Variants in LSAMP observed in about 807,000 individuals in gnomAD.
LSAMP encodes the protein limbic system associated membrane protein.
Under a neutral mutation model 38.6 loss-of-function variants are expected in LSAMP, and 7 were observed. The observed-to-expected ratio is 0.18, with a 90% CI of 0.10 to 0.34. The LOEUF is 0.34. Ranked by LOEUF, LSAMP falls within the 10% of genes least tolerant of loss-of-function variation. The probability of loss-of-function intolerance (pLI) is 1.00; values close to 1 mark genes in which losing one functional copy is unlikely to be tolerated. For missense variants in LSAMP, 313 were observed against 420.0 expected (o/e 0.75, Z 2.23); for synonymous variants, 154 against 166.8 (o/e 0.92, Z 0.59).
intron 3 of LSAMP, among the ~76,000 whole-genome samples, chr3:115,999,150 G>A (rs1939912948): frequency 6.6e-6 from 1 of 152,136 alleles, no homozygotes; most frequent in African/African-American, 2.4e-5. Flanking sequence ...CAACGATGAT[G>A]AGGCTTTGAG....
chr3:115,914,144 A>G (rs1937194731), intron 3 of LSAMP, among the ~76,000 whole-genome samples: 2 of 152,134 alleles, frequency 1.3e-5, no homozygotes, highest in African/African-American at 4.8e-5. Context: ...AAAATGGAAG[A>G]CCTAGAGATC....
chr3:116,041,015 C>T (rs1298080228), intron 2 of LSAMP, among the ~76,000 whole-genome samples: 1 of 152,194 alleles, frequency 6.6e-6, no homozygotes, highest in East Asian at 1.9e-4. Flanking sequence ...CCTCAACCTC[C>T]TGGGCTCAAG....
chr3:116,250,271 A>AT (rs943148791), intron 1 of LSAMP, among the ~76,000 whole-genome samples: 7 of 151,828 alleles, frequency 4.6e-5, no homozygotes, highest in Non-Finnish European at 7.4e-5. Context: ...AAGGTAACAT[A>AT]TTTTTTTTGC....
chr3:115,867,424 T>A (rs1470070025), intron 3 of LSAMP, among the ~76,000 whole-genome samples: 1 of 152,070 alleles, frequency 6.6e-6, no homozygotes, highest in Admixed American at 6.6e-5. Flanking sequence ...GATGAAAAAG[T>A]TAAGCCCCAC....
chr3:115,885,430 C>A (rs955698881), intron 3 of LSAMP, among the ~76,000 whole-genome samples: 2 of 151,854 alleles, frequency 1.3e-5, no homozygotes, highest in East Asian at 3.9e-4. Context: ...TTCTATATTA[C>A]AATTTCATGG....
chr3:116,170,523 A>G (rs1364452306), intron 1 of LSAMP, among the ~76,000 whole-genome samples: 1 of 152,192 alleles, frequency 6.6e-6, no homozygotes, highest in Admixed American at 6.5e-5. Context: ...ATAGTTGTGG[A>G]GAGTGTTTAA....
chr3:116,357,213 T>A (rs539319510), intron 1 of LSAMP, among the ~76,000 whole-genome samples: 22 of 152,312 alleles, frequency 1.4e-4, no homozygotes, highest in East Asian at 9.6e-4. Context: ...GTATTACTTT[T>A]TAGAGTCAAT....
At chr3:116,207,200 TGTTTTATCAGA>T (rs2046081741) in intron 1 of LSAMP, among the ~76,000 whole-genome samples, 2 of 151,482 alleles carry the variant, frequency 1.3e-5, no homozygotes, top group Admixed American at 6.6e-5. Context: ...GTTTAAAGTC[TGTTTTATCAGA>T]GACTAGGATT....
intron 1 of LSAMP, among the ~76,000 whole-genome samples, chr3:116,337,926 G>A (rs2107749288): frequency 6.6e-6 from 1 of 152,086 alleles, no homozygotes; most frequent in South Asian, 2.1e-4. Context: ...TATGATATAG[G>A]TTGTCTAAGA....
At chr3:116,152,288 C>T (rs375740016) in intron 1 of LSAMP, among the ~76,000 whole-genome samples, 6 of 152,100 alleles carry the variant, frequency 3.9e-5, no homozygotes, top group Non-Finnish European at 5.9e-5. Flanking sequence ...GTGCTTTCCA[C>T]GTACAAACGC....
At chr3:116,164,622 AATC>A in intron 1 of LSAMP, among the ~76,000 whole-genome samples, 1 of 125,032 alleles carries the variant, frequency 8.0e-6, no homozygotes, top group African/African-American at 3.1e-5. Flanking sequence ...ATATATATAT[AATC>A]CAAATATATA....
At position 116,064,502 on chromosome 3, in the gene LSAMP, C is replaced by CAAA. The variant is rs1241685941; in HGVS notation, c.388+21819_388+21821dup. Among the ~76,000 whole-genome samples, 5 of 90,360 alleles carry CAAA rather than the reference C, an allele frequency of 5.5e-5. 1 individual carries two copies. Among genetic ancestry groups the CAAA allele is most frequent in the African/African-American group, 1.2e-4 (3 of 25,064 alleles). 59.3% of individuals were successfully genotyped at this position (90,360 alleles called of 152,430 possible). On this transcript the variant is annotated intron_variant, in intron 2 of 6. Coordinates refer to ENST00000490035, the MANE Select transcript of LSAMP (RefSeq NM_002338.5). ...TGCATTCCAGAGCGAGACTCCGTCTCAAAAAAAAAAAAAAAAAAGTCAGTC... is the reference window on the plus strand; with the variant it reads ...TGCATTCCAGAGCGAGACTCCGTCTCAAAAAAAAAAAAAAAAAAAAAGTCAGTC...
At chr3:116,196,468 A>G (rs1031434107) in intron 1 of LSAMP, among the ~76,000 whole-genome samples, 11 of 152,314 alleles carry the variant, frequency 7.2e-5, no homozygotes, top group African/African-American at 2.6e-4. Flanking sequence ...AACATTTGAG[A>G]ATCCTATCTC....
chr3:115,891,327 T>A (rs546624175), intron 3 of LSAMP, among the ~76,000 whole-genome samples: 1 of 152,138 alleles, frequency 6.6e-6, no homozygotes, highest in African/African-American at 2.4e-5. Context: ...AAGCTTAAAA[T>A]GGGCATGCAC....
At chr3:116,213,646 G>T (rs2046188181) in intron 1 of LSAMP, among the ~76,000 whole-genome samples, 1 of 152,076 alleles carries the variant, frequency 6.6e-6, no homozygotes, top group African/African-American at 2.4e-5. Flanking sequence ...ACAACATGTG[G>T]AAACAAACTA....
chr3:116,213,386 T>C (rs560345731), intron 1 of LSAMP, among the ~76,000 whole-genome samples: 1 of 152,342 alleles, frequency 6.6e-6, no homozygotes, highest in South Asian at 2.1e-4. Context: ...TTTCTTTGCC[T>C]GCTGCTATCC....
chr3:116,409,390 T>G (rs2048942178), intron 1 of LSAMP, among the ~76,000 whole-genome samples: 1 of 152,074 alleles, frequency 6.6e-6, no homozygotes, highest in African/African-American at 2.4e-5. Context: ...CTGCTTTGCA[T>G]GATGGGATCT....
rs1941341191 is a variant in LSAMP at position 116,048,886 on chromosome 3, A to G, written c.389-29246T>C. Among the ~76,000 whole-genome samples, 3 of 152,288 alleles carry G rather than the reference A, an allele frequency of 2.0e-5. No individual in the cohort carries two copies. The South Asian group carries it at 6.2e-4, about 32-fold the overall frequency. On this transcript the variant is annotated intron_variant, in intron 2 of 6. Transcript: ENST00000490035. Reference sequence around the variant, plus strand: ...CTGCCTGTTTCTGCATCACGATATGAGACAAAATGTAATGTAAAGAAGACA... The same window carrying G: ...CTGCCTGTTTCTGCATCACGATATGGGACAAAATGTAATGTAAAGAAGACA...
chr3:116,153,503 C>G (rs1456471393), intron 1 of LSAMP, among the ~76,000 whole-genome samples: 2 of 152,010 alleles, frequency 1.3e-5, no homozygotes, highest in African/African-American at 4.8e-5. Flanking sequence ...AAGAACTCAA[C>G]AAGGATAAAA....
Sources: allele counts gnomAD v4.1 joint callset (sites outside exome capture counted in the v4.1 genomes callset), GRCh38; gene constraint gnomAD v4.1.1; transcripts MANE v1.5; gene names NCBI Gene and HGNC (gene_info 2026-07-23, HGNC 2026-07-21).